Variants in MT4 observed in about 807,000 individuals in gnomAD.
MT4 encodes the protein metallothionein 4.
In MT4, 11 loss-of-function variants were observed where a neutral mutation model predicts 9.5. The ratio of observed to expected loss-of-function variants is 1.16; its 90% CI spans 0.73 to 1.92. The LOEUF (loss-of-function observed/expected upper bound fraction) is 1.92. Among genes scored for constraint, MT4 ranks in the 30% most tolerant of loss-of-function variants. The pLI, the probability that MT4 is intolerant of heterozygous loss-of-function variation, is 0.00. For synonymous variants in MT4, 29 were observed against 24.6 expected, an observed-to-expected ratio of 1.18 and a Z score of -0.53; for missense variants, 88 against 78.7, an observed-to-expected ratio of 1.12 and a Z score of -0.45.
chr16:56,568,335 A>T (rs141777867), intron 2 of MT4, among the ~76,000 whole-genome samples: 9 of 151,012 alleles, frequency 6.0e-5, no homozygotes, highest in Middle Eastern at 3.4e-3. Context: ...GAAAGAAAGA[A>T]AGATCCCATC....
intron 2 of MT4, 50 bp downstream of exon 2, chr16:56,567,866 A>G (rs1489487230): frequency 1.3e-6 from 2 of 1,528,226 alleles, no homozygotes; most frequent in Non-Finnish European, 1.8e-6. Flanking sequence ...GAAAAGTCCA[A>G]TCCAGGCCAG....
At chr16:56,565,694 C>A (rs148146191) in intron 1 of MT4, among the ~76,000 whole-genome samples, 1 of 152,118 alleles carries the variant, frequency 6.6e-6, no homozygotes, top group Non-Finnish European at 1.5e-5. Context: ...CTTAATTCCA[C>A]GGAGCATGTT....
chr16:56,565,289 G>C, intron 1 of MT4, 130 bp downstream of exon 1: 1 of 940,200 alleles, frequency 1.1e-6, no homozygotes, highest in Non-Finnish European at 1.6e-6. Context: ...CCTGGGAGCC[G>C]ACAGGTGGAC....
chr16:56,568,412 C>T (rs1413328239), intron 2 of MT4, among the ~76,000 whole-genome samples: 1 of 151,952 alleles, frequency 6.6e-6, no homozygotes, highest in Non-Finnish European at 1.5e-5. Flanking sequence ...TGCCTTTTAC[C>T]CATCTGGGAG....
rs1162747493 is a variant in MT4, at chr16:56,566,769, G to GGAAAGAAA, written c.32-937_32-930dup. Among the ~76,000 whole-genome samples, 47 of 36,914 alleles carry GGAAAGAAA rather than the reference G, an allele frequency of 1.3e-3. 3 individuals are homozygous for GGAAAGAAA. The highest frequency in any genetic ancestry group is 5.7e-3 in the East Asian group (9 of 1,578). 24.2% of individuals were successfully genotyped at this position (36,914 alleles called of 152,430 possible). A position where few individuals can be genotyped will look rare whatever the true frequency, so the allele number is the denominator to read the frequency against. ...AAGAAGGAAGGAAGGAAGGAAGGAA[G>GGAAAGAAA]GAAAGAAAGAAAGAAAGAAAGAAAG... On this transcript the variant is annotated intron_variant, in intron 1 of 2. Coordinates refer to ENST00000219162, the MANE Select transcript of MT4 (RefSeq NM_032935.3).
rs188790117 is a variant in MT4, at chr16:56,567,438, A to G, written c.32-313A>G. On this transcript the variant is annotated intron_variant, in intron 1 of 2. Coordinates refer to ENST00000219162, the MANE Select transcript of MT4 (RefSeq NM_032935.3). Reference sequence around the variant, plus strand: ...ATTATTTGGGTTGCTTTTCAAAAATATGGACTCCATTTCCCCACCAAGACT... The same window carrying G: ...ATTATTTGGGTTGCTTTTCAAAAATGTGGACTCCATTTCCCCACCAAGACT... Among the ~76,000 whole-genome samples, 63 of 152,300 alleles carry G rather than the reference A, an allele frequency of 4.1e-4. 1 individual carries two copies. The highest frequency in any genetic ancestry group is 1.4e-3 in the African/African-American group (57 of 41,560).
intron 2 of MT4, 48 bp downstream of exon 2, chr16:56,567,864 C>T: frequency 6.6e-7 from 1 of 1,526,340 alleles, no homozygotes; most frequent in Non-Finnish European, 9.1e-7. Flanking sequence ...TAGAAAAGTC[C>T]AATCCAGGCC....
rs1406269835 is a variant in MT4 at position 56,566,810 on chromosome 16, GAAAGAAAGA to G, written c.32-929_32-921del. 9.1e-3 allele frequency among the ~76,000 whole-genome samples: 424 copies of G among 46,790 alleles called. 14 individuals carry two copies. Among genetic ancestry groups the G allele is most frequent in the Middle Eastern group, 0.021 (2 of 96 alleles). 30.7% of individuals were successfully genotyped at this position (46,790 alleles called of 152,430 possible). A position where few individuals can be genotyped will look rare whatever the true frequency, so the allele number is the denominator to read the frequency against. On this transcript the variant is annotated intron_variant, in intron 1 of 2. Coordinates refer to ENST00000219162, the MANE Select transcript of MT4 (RefSeq NM_032935.3). ...AGAAAGAAAGAAAGAAAGAAAGAAA[GAAAGAAAGA>G]AAAGAAAGAAAGAAAGAAAGAAAGA... is the stretch of plus-strand genomic sequence containing the variant.
intron 1 of MT4, among the ~76,000 whole-genome samples, chr16:56,565,479 T>G (rs1452776578): frequency 1.3e-5 from 2 of 152,204 alleles, no homozygotes; most frequent in Non-Finnish European, 2.9e-5. Flanking sequence ...TCTGGCAACC[T>G]GGTTTGGGTC....
chr16:56,567,015 A>T (rs1309535614), intron 1 of MT4, among the ~76,000 whole-genome samples: 1 of 151,838 alleles, frequency 6.6e-6, no homozygotes, highest in Non-Finnish European at 1.5e-5. Flanking sequence ...CGGGTGTGAA[A>T]GGGGTTTTTG....
intron 1 of MT4, among the ~76,000 whole-genome samples, chr16:56,566,350 C>A (rs184907832): frequency 8.6e-5 from 13 of 151,980 alleles, no homozygotes; most frequent in Non-Finnish European, 1.6e-4. Context: ...TATAACAAGG[C>A]CCTGTTTCTA....
chr16:56,568,886 G>A lies in MT4; in HGVS notation c.143G>A (p.Gly48Asp), dbSNP rs11643815. The part of the protein sequence containing the change: ...CPPGCAKCAR[G>D]CICKGGSDKC... ...CCGGGCTGTGCCAAATGTGCCCGGG[G>A]CTGCATCTGCAAAGGAGGCTCAGAC... The change falls in exon 3 of 3, where the codon GGC becomes GAC. Residue 48 changes from glycine to aspartate, a missense_variant. Gly to Asp is a moderately conservative substitution (Grantham distance 94, BLOSUM62 -1). Coordinates refer to ENST00000219162, the MANE Select transcript of MT4 (RefSeq NM_032935.3). 0.12 allele frequency: 199,537 copies of A among 1,606,480 alleles called. 13,519 individuals carry two copies. Among genetic ancestry groups the A allele is most frequent in the Non-Finnish European group, 0.14 (163,568 of 1,175,730 alleles).
At chr16:56,565,244 C>A in intron 1 of MT4, 85 bp downstream of exon 1, 1 of 1,490,656 alleles carries the variant, frequency 6.7e-7, no homozygotes, top group South Asian at 1.2e-5. Flanking sequence ...GAAAACTTCT[C>A]TTCCCTCTAA....
chr16:56,565,960 A>T (rs1304732983), intron 1 of MT4, among the ~76,000 whole-genome samples: 2 of 152,182 alleles, frequency 1.3e-5, no homozygotes, highest in East Asian at 3.9e-4. Context: ...GCTACTCAGG[A>T]CGCTGAGAAG....
chr16:56,568,302 A>G (rs1392850563), intron 2 of MT4, among the ~76,000 whole-genome samples: 1 of 147,644 alleles, frequency 6.8e-6, no homozygotes, highest in Non-Finnish European at 1.5e-5. Context: ...AGAAAGAAAG[A>G]AAGAAAGAAA....
chr16:56,567,903 A>G (rs1959557714), intron 2 of MT4, 87 bp downstream of exon 2: 8 of 1,184,600 alleles, frequency 6.8e-6, no homozygotes, highest in African/African-American at 1.5e-5. Context: ...CTGTAATCCC[A>G]GCACTTTGGG....
intron 1 of MT4, among the ~76,000 whole-genome samples, chr16:56,566,810 GAAA>G (rs1959537629): frequency 2.1e-5 from 1 of 46,936 alleles, no homozygotes; most frequent in Admixed American, 3.0e-4. Context: ...AAGAAAGAAA[GAAA>G]GAAAGAAAAG....
chr16:56,568,125 C>T (rs551658239), intron 2 of MT4, among the ~76,000 whole-genome samples: 203 of 148,924 alleles, frequency 1.4e-3, no homozygotes, highest in African/African-American at 4.8e-3. Context: ...TGCACTCCAG[C>T]CTTGGTGACA....
rs1959552502 is a variant in MT4, at chr16:56,567,651, T to C, written c.32-100T>C. 3 of 1,098,766 alleles carry C rather than the reference T, an allele frequency of 2.7e-6. No individual in the cohort carries two copies. The East Asian group carries it at 7.3e-5, about 27-fold the overall frequency. The allele number at this position is 1,098,766 out of a possible 1,614,324, so 68.1% of individuals were successfully genotyped here. A position where few individuals can be genotyped will look rare whatever the true frequency, so the allele number is the denominator to read the frequency against. On this transcript the variant is annotated intron_variant, in intron 1 of 2. Transcript: ENST00000219162. ...CTTGTCCAGCCAGTCCCCAAGGATA[T>C]AGCCCAGGAGCCTTGCCACTCTGAC...
Sources: gnomAD v4.1 joint callset for allele counts (sites outside exome capture counted in the v4.1 genomes callset) on GRCh38, gnomAD v4.1.1 for gene constraint, MANE v1.5 for transcripts, NCBI Gene and HGNC (gene_info 2026-07-23, HGNC 2026-07-21) for gene names.